Variants in DNAH14 observed in about 807,000 individuals in gnomAD.
DNAH14 encodes the protein dynein axonemal heavy chain 14.
Under a neutral mutation model 520.9 loss-of-function variants are expected in DNAH14, and 478 were observed. That is an observed-to-expected ratio of 0.92 (90% CI 0.85 to 0.99). The LOEUF (loss-of-function observed/expected upper bound fraction) is 0.99, where lower values mean the gene tolerates loss of function less well. Among genes scored for constraint, DNAH14 ranks in the 50% least tolerant of loss-of-function variants. The pLI is 0.00. For missense variants in DNAH14, 4,831 were observed against 5,234.5 expected (o/e 0.92, Z 2.38); for synonymous variants, 1,581 against 1,757.2 (o/e 0.90, Z 2.51).
intron 2 of DNAH14, among the ~76,000 whole-genome samples, chr1:224,953,279 C>T (rs926343799): frequency 6.6e-6 from 1 of 152,068 alleles, no homozygotes; most frequent in Admixed American, 6.6e-5. Flanking sequence ...CCCACTACCA[C>T]ACCTGGCTAA....
At chr1:225,020,999 CAAA>C (rs1262778956) in intron 10 of DNAH14, among the ~76,000 whole-genome samples, 1 of 151,828 alleles carries the variant, frequency 6.6e-6, no homozygotes, top group African/African-American at 2.4e-5. Flanking sequence ...TTAACATATG[CAAA>C]TCAATAAGTG....
chr1:225,373,278 C>T lies in DNAH14; in HGVS notation c.12319-1410C>T, dbSNP rs367925339. 1.4e-3 allele frequency among the ~76,000 whole-genome samples: 213 copies of T among 152,102 alleles called. 2 individuals carry two copies. Among genetic ancestry groups the T allele is most frequent in the African/African-American group, 5.0e-3 (209 of 41,500 alleles). The stretch of plus-strand genomic sequence containing the variant: ...GGCCGAGGCCGCCAGATCACGAGGT[C>T]AGGAGATCGAGACCATGCTGGTTAA... On this transcript the variant is annotated intron_variant, in intron 77 of 85. Transcript: ENST00000682510.
Position 225,303,273 on chromosome 1 carries a change from A to G in DNAH14, c.8749A>G (p.Arg2917Gly), listed in dbSNP as rs775550255. The change falls in exon 57 of 86, where the codon AGG becomes GGG. Residue 2917 changes from arginine (R) to glycine (G), a missense_variant. Transcript: ENST00000682510. ...CTCCTGCACGATCGATTGGTATGAGAGGTGGCCAGAAGAAGCTCTCCTTAT... is the reference window on the plus strand; with the variant it reads ...CTCCTGCACGATCGATTGGTATGAGGGGTGGCCAGAAGAAGCTCTCCTTAT... ...ISSCTIDWYE[R>G]WPEEALLIVA... 5.8e-6 allele frequency: 9 copies of G among 1,551,390 alleles called. No homozygotes were observed. In the African/African-American group the frequency reaches 1.1e-4, roughly 19 times the overall value.
intron 41 of DNAH14, among the ~76,000 whole-genome samples, chr1:225,217,186 C>G (rs1433294134): frequency 6.6e-6 from 1 of 152,054 alleles, no homozygotes; most frequent in Admixed American, 6.5e-5. Context: ...CACTGTTTGC[C>G]TGGGTATCAC....
Position 225,289,951 on chromosome 1 carries a change from C to T in DNAH14, c.8338C>T (p.Leu2780=). 6.5e-7 allele frequency: 1 copy of T among 1,535,534 alleles called. No homozygotes were observed. The highest frequency in any genetic ancestry group is 8.8e-7 in the Non-Finnish European group (1 of 1,138,944). ...TLACYLTDNK[L]YRVPISHKCA... ...GGCCTGTTATTTGACAGATAATAAACTATACCGAGTGCCTATATCTCACAA... is the reference window on the plus strand; with the variant it reads ...GGCCTGTTATTTGACAGATAATAAATTATACCGAGTGCCTATATCTCACAA... The change falls in exon 55 of 86, where the codon CTA becomes TTA. Residue 2780 remains leucine (L), a synonymous_variant. Coordinates refer to ENST00000682510, the MANE Select transcript of DNAH14 (RefSeq NM_001367479.1).
chr1:225,080,441 G>T lies in DNAH14; in HGVS notation c.2829G>T (p.Gln943His). ...TGTCAACAGCAATGGAAATGATCCA[G>T]ACTCTCTCAGGGGAAGCTGCAAGTT... The part of the protein sequence containing the change: ...TQVSTAMEMI[Q>H]TLSGEAASLT... The change falls in exon 19 of 86, where the codon CAG becomes CAT. Residue 943 changes from glutamine (Q) to histidine (H), a missense_variant. Gln to His is a conservative substitution (Grantham distance 24). Transcript: ENST00000682510. The T allele has an allele frequency of 6.4e-7, 1 of 1,551,478 alleles. No homozygotes were observed. The highest frequency in any genetic ancestry group is 1.2e-5 in the South Asian group (1 of 83,972).
At chr1:225,385,405 AG>A (rs1339678902) in intron 81 of DNAH14, among the ~76,000 whole-genome samples, 1 of 152,210 alleles carries the variant, frequency 6.6e-6, no homozygotes, top group Admixed American at 6.5e-5. Flanking sequence ...AAAGAAATAA[AG>A]GGTATTCAAT....
Position 225,140,753 on chromosome 1 carries a change from A to G in DNAH14, c.4255-15A>G, listed in dbSNP as rs1260159730. The G allele has an allele frequency of 3.4e-6, 5 of 1,468,202 alleles. No homozygotes were observed. Among genetic ancestry groups the G allele is most frequent in the Non-Finnish European group, 4.7e-6 (5 of 1,074,288 alleles). The allele number at this position is 1,468,202 out of a possible 1,614,324, so 90.9% of individuals were successfully genotyped here. ...TAGAGAGAGATATATATATAACATT[A>G]TCTTACTTTTTCAGAGCCAGATCAT... On this transcript the variant is annotated splice_polypyrimidine_tract_variant and intron_variant, in intron 27 of 85. Coordinates refer to ENST00000682510, the MANE Select transcript of DNAH14 (RefSeq NM_001367479.1).
intron 23 of DNAH14, among the ~76,000 whole-genome samples, chr1:225,104,102 T>C (rs1181330790): frequency 6.6e-6 from 1 of 152,136 alleles, no homozygotes; most frequent in Non-Finnish European, 1.5e-5. Flanking sequence ...GCATGAAGCG[T>C]TGTTGAATTT....
intron 15 of DNAH14, among the ~76,000 whole-genome samples, chr1:225,044,782 C>T (rs2067798538): frequency 6.6e-6 from 1 of 152,094 alleles, no homozygotes. Flanking sequence ...ATTTTTTACC[C>T]AGTCCATTTT....
In DNAH14 at chr1:224,954,991, ATG is replaced by A; in HGVS notation, c.113_114del (p.Val38GlufsTer9). 1 of 1,603,868 alleles carries A rather than the reference ATG, an allele frequency of 6.2e-7. No homozygotes were observed. Among genetic ancestry groups the A allele is most frequent in the Non-Finnish European group, 8.5e-7 (1 of 1,173,072 alleles). On this transcript the variant is annotated frameshift_variant, in exon 3 of 86. Coordinates refer to ENST00000682510, the MANE Select transcript of DNAH14 (RefSeq NM_001367479.1). LOFTEE classifies it high-confidence loss of function. Reference sequence around the variant, plus strand: ...AGATATGAAGAGAAAAAATATGAAGATGTGAAACCATTAGAGACTCAACCAGC... The same window carrying A: ...AGATATGAAGAGAAAAAATATGAAGATGAAACCATTAGAGACTCAACCAGC...
At chr1:225,129,993 C>G (rs1573355396) in intron 27 of DNAH14, among the ~76,000 whole-genome samples, 1 of 152,038 alleles carries the variant, frequency 6.6e-6, no homozygotes, top group African/African-American at 2.4e-5. Context: ...ACAACCCCAT[C>G]AAAAAGTGGG....
chr1:225,173,771 A>G (rs1259673889), intron 36 of DNAH14, among the ~76,000 whole-genome samples: 4 of 152,218 alleles, frequency 2.6e-5, no homozygotes, highest in Non-Finnish European at 5.9e-5. Context: ...TATATACCCA[A>G]AGGATTATAA....
chr1:225,153,011 A>G (rs2080659731), intron 33 of DNAH14, 128 bp downstream of exon 33: 1 of 975,726 alleles, frequency 1.0e-6, no homozygotes, highest in Non-Finnish European at 1.5e-6. Context: ...ATTCCTATCA[A>G]AATAATGGAG....
At chr1:225,379,135 A>G (rs2095746636) in intron 79 of DNAH14, among the ~76,000 whole-genome samples, 1 of 152,064 alleles carries the variant, frequency 6.6e-6, no homozygotes, top group African/African-American at 2.4e-5. Context: ...CCACCCGCGG[A>G]GTGTGTGATT....
intron 25 of DNAH14, among the ~76,000 whole-genome samples, chr1:225,118,938 G>A (rs1009536058): frequency 6.7e-6 from 1 of 149,812 alleles, no homozygotes; most frequent in Non-Finnish European, 1.5e-5. Context: ...ATCCAAAACT[G>A]TTTTATAACA....
intron 10 of DNAH14, among the ~76,000 whole-genome samples, chr1:225,021,672 A>G (rs930726580): frequency 1.3e-5 from 2 of 152,200 alleles, no homozygotes; most frequent in African/African-American, 4.8e-5. Flanking sequence ...ATGCTGATGA[A>G]TAGGAAAAAT....
At chr1:225,264,119 G>A in intron 46 of DNAH14, 78 bp from the exon 47 acceptor site, 3 of 1,225,098 alleles carry the variant, frequency 2.4e-6, no homozygotes, top group Non-Finnish European at 2.3e-6. Context: ...ACAATATGCT[G>A]TTACTTTTTT....
intron 1 of DNAH14, among the ~76,000 whole-genome samples, chr1:224,946,907 T>C (rs1195939322): frequency 6.7e-6 from 1 of 149,688 alleles, no homozygotes; most frequent in African/African-American, 2.5e-5. Flanking sequence ...ATATCAACGT[T>C]TCATCTACTT....
Sources: allele counts gnomAD v4.1 joint callset (sites outside exome capture counted in the v4.1 genomes callset), GRCh38; gene constraint gnomAD v4.1.1; transcripts MANE v1.5; gene names NCBI Gene and HGNC (gene_info 2026-07-23, HGNC 2026-07-21).